MDN1: variants seen among roughly 807,000 people sequenced by gnomAD.
MDN1 encodes the protein midasin AAA ATPase 1, also known as midasin.
In MDN1, 266 loss-of-function variants were observed where a neutral mutation model predicts 669.2. That is an observed-to-expected ratio of 0.40 (90% CI 0.36 to 0.44). MDN1 has a LOEUF of 0.44. Ranked by LOEUF, MDN1 falls within the 20% of genes least tolerant of loss-of-function variation. The probability of loss-of-function intolerance (pLI) is 1.00; values close to 1 mark genes in which losing one functional copy is unlikely to be tolerated. For synonymous variants in MDN1, 2,385 were observed against 2,457.1 expected (o/e 0.97, Z 0.87); for missense variants, 5,940 against 6,754.0 (o/e 0.88, Z 4.22).
At chr6:89,709,388 G>A (rs1200786305) in intron 50 of MDN1, among the ~76,000 whole-genome samples, 1 of 152,142 alleles carries the variant, frequency 6.6e-6, no homozygotes, top group Non-Finnish European at 1.5e-5. Flanking sequence ...AGATAAAAGG[G>A]CTACAAAACT....
chr6:89,721,948 A>C (rs1280692998), intron 40 of MDN1, among the ~76,000 whole-genome samples: 2 of 152,150 alleles, frequency 1.3e-5, no homozygotes, highest in Non-Finnish European at 2.9e-5. Flanking sequence ...CTATTCATTT[A>C]TTTTCAAACA....
chr6:89,763,967 C>T (rs1263388103), intron 15 of MDN1, among the ~76,000 whole-genome samples: 1 of 152,202 alleles, frequency 6.6e-6, no homozygotes, highest in Non-Finnish European at 1.5e-5. Context: ...GTAATCCCAC[C>T]ACTTCGGGAG....
Position 89,701,655 on chromosome 6 carries a change from A to G in MDN1, c.8330T>C (p.Val2777Ala), listed in dbSNP as rs753785370. The G allele has an allele frequency of 2.5e-6, 4 of 1,613,968 alleles. No homozygotes were observed. Among genetic ancestry groups the G allele is most frequent in the Non-Finnish European group, 3.4e-6 (4 of 1,179,928 alleles). ...EDKYYKEVQT[V>A]SEHIQNCLGS... The stretch of plus-strand genomic sequence containing the variant: ...CAGACAATTCTGAATATGTTCTGAG[A>G]CAGTCTGAACTTCTTTGTAATATCT... The change falls in exon 55 of 102, where the codon GTC becomes GCC. Residue 2777 changes from valine to alanine, a missense_variant. This residue lies in a region of MDN1 where 2,292 missense variants were observed against 2,638.3 expected (regional missense o/e 0.87). Coordinates refer to ENST00000369393, the MANE Select transcript of MDN1 (RefSeq NM_014611.3).
intron 5 of MDN1, among the ~76,000 whole-genome samples, chr6:89,790,836 C>A (rs1036552278): frequency 6.6e-6 from 1 of 152,196 alleles, no homozygotes; most frequent in African/African-American, 2.4e-5. Flanking sequence ...GCCTGGCCAA[C>A]GTGGTGAAAC....
intron 29 of MDN1, among the ~76,000 whole-genome samples, chr6:89,744,103 TAAA>T (rs576136951): frequency 2.7e-5 from 1 of 36,712 alleles, no homozygotes; most frequent in South Asian, 1.2e-3. Context: ...AATGCCTTCT[TAAA>T]AAAAAAAAAA....
rs571765021 is a variant in MDN1 at position 89,699,254 on chromosome 6, T to A, written c.8998-219A>T. On this transcript the variant is annotated intron_variant, in intron 58 of 101. Coordinates refer to ENST00000369393, the MANE Select transcript of MDN1 (RefSeq NM_014611.3). ...ACTAATGAAATTCTATTAACAGGAG[T>A]GTACCAGTATTCATATTCAATTTAT... Among the ~76,000 whole-genome samples the A allele has an allele frequency of 1.4e-3, 208 of 152,172 alleles. No individual in the cohort carries two copies. The highest frequency in any genetic ancestry group is 4.3e-3 in the African/African-American group (178 of 41,526).
At chr6:89,757,184 T>C (rs1054389770) in intron 19 of MDN1, among the ~76,000 whole-genome samples, 1 of 152,144 alleles carries the variant, frequency 6.6e-6, no homozygotes, top group Non-Finnish European at 1.5e-5. Flanking sequence ...TTACCAACAA[T>C]AAATCTGGTC....
At chr6:89,750,331 A>G (rs772841926) in intron 24 of MDN1, 23 bp downstream of exon 24, 43 of 1,581,116 alleles carry the variant, frequency 2.7e-5, no homozygotes, top group Non-Finnish European at 3.4e-5. Context: ...ACCTATGTCC[A>G]TGGAATGGAA....
At chr6:89,666,452 A>G (rs1470516536) in intron 84 of MDN1, among the ~76,000 whole-genome samples, 1 of 152,050 alleles carries the variant, frequency 6.6e-6, no homozygotes, top group East Asian at 1.9e-4. Context: ...TTTAGTAGAG[A>G]TGGAGTTTTA....
intron 82 of MDN1, 48 bp from the exon 83 acceptor site, chr6:89,671,128 A>T (rs1192933124): frequency 6.3e-7 from 1 of 1,578,560 alleles, no homozygotes. Flanking sequence ...CTTGGCAGGT[A>T]CCAGGTTTCC....
chr6:89,658,410 G>A (rs545786880), intron 89 of MDN1, 40 bp from the exon 90 acceptor site: 8 of 1,612,410 alleles, frequency 5.0e-6, no homozygotes, highest in South Asian at 2.2e-5. Flanking sequence ...AATGCTCTGG[G>A]GGAACAGCAT....
intron 11 of MDN1, among the ~76,000 whole-genome samples, chr6:89,778,045 G>A (rs1818439969): frequency 1.3e-5 from 2 of 152,142 alleles, no homozygotes; most frequent in South Asian, 4.1e-4. Flanking sequence ...ATTCCGTCAT[G>A]ATAAATTGTC....
intron 27 of MDN1, 139 bp downstream of exon 27, chr6:89,747,190 T>G: frequency 1.0e-6 from 1 of 958,656 alleles, no homozygotes; most frequent in South Asian, 1.7e-5. Context: ...CAAAAGCTGT[T>G]AGAACTGGAG....
chr6:89,709,185 T>C (rs935428718), intron 50 of MDN1, among the ~76,000 whole-genome samples: 2 of 152,076 alleles, frequency 1.3e-5, no homozygotes, highest in Admixed American at 1.3e-4. Context: ...TCTCCAGAAG[T>C]TGTGAAAACC....
At chr6:89,700,340 T>C in intron 56 of MDN1, 46 bp from the exon 57 acceptor site, 1 of 1,456,870 alleles carries the variant, frequency 6.9e-7, no homozygotes, top group Non-Finnish European at 9.6e-7. Flanking sequence ...TGGTTAAGAG[T>C]ATAGCCTCTA....
At chr6:89,673,907 C>T (rs1035784471) in intron 79 of MDN1, among the ~76,000 whole-genome samples, 197 bp downstream of exon 79, 1 of 152,118 alleles carries the variant, frequency 6.6e-6, no homozygotes. Flanking sequence ...GCTGTTTCCG[C>T]TGAAGTCTCA....
chr6:89,800,536 G>A (rs1767570115), intron 2 of MDN1, among the ~76,000 whole-genome samples: 1 of 152,192 alleles, frequency 6.6e-6, no homozygotes, highest in South Asian at 2.1e-4. Flanking sequence ...GAGCATAGAT[G>A]CTTACTGTCC....
intron 20 of MDN1, among the ~76,000 whole-genome samples, chr6:89,755,514 C>T (rs1430577324): frequency 6.6e-6 from 1 of 152,056 alleles, no homozygotes; most frequent in Non-Finnish European, 1.5e-5. Flanking sequence ...ATGAGAAGAA[C>T]CAGGATTTTT....
Position 89,793,863 on chromosome 6 carries a change from G to T in MDN1, c.754C>A (p.Gln252Lys), listed in dbSNP as rs1819416762. 4 of 1,614,110 alleles carry T rather than the reference G, an allele frequency of 2.5e-6. No homozygotes were observed. Among genetic ancestry groups the T allele is most frequent in the Non-Finnish European group, 3.4e-6 (4 of 1,179,986 alleles). Residue 252 changes from glutamine (Q) to lysine (K), a missense_variant, in exon 5 of 102, where the codon CAG becomes AAG. By Grantham distance (53) the Gln-to-Lys change is moderately conservative (BLOSUM62 1). Around this residue, in one of 5 missense-constraint regions of MDN1, gnomAD observed 1,203 missense variants for 1,268.9 expected, o/e 0.95. Transcript: ENST00000369393. Reference sequence around the variant, plus strand: ...GAAACAAGATGTCCCTGTAAGTACTGCAGCTCCTTCTGCTTACGCCAAAGG... The same window carrying T: ...GAAACAAGATGTCCCTGTAAGTACTTCAGCTCCTTCTGCTTACGCCAAAGG... ...VSLWRKQKEL[Q>K]YLQGHLVSSD...
Sources: allele counts gnomAD v4.1 joint callset (sites outside exome capture counted in the v4.1 genomes callset), GRCh38; gene constraint gnomAD v4.1.1; regional missense constraint gnomAD v4.1.1; transcripts MANE v1.5; gene names NCBI Gene and HGNC (gene_info 2026-07-23, HGNC 2026-07-21).